Variants in KCNQ1OT1 observed in about 807,000 individuals in gnomAD.
KCNQ1OT1 encodes the protein KCNQ1 antisense RNA 2 (non-protein coding).
exon 1 of KCNQ1OT1, chr11:2,680,915 A>G (rs1850385666): frequency 7.5e-6 from 3 of 398,444 alleles, no homozygotes; most frequent in South Asian, 1.3e-4. Flanking sequence ...GTATGACCCA[A>G]TTTGGGTTTG....
At position 2,608,691 on chromosome 11, in the gene KCNQ1OT1, T is replaced by C. The variant is rs1848923338; in HGVS notation, n.91304A>G. ...GTTGTGCATGCTATTCTTGAACTCC[T>C]GGCCACAAGCAATTCTCGAACTCCT... On this transcript the variant is annotated non_coding_transcript_exon_variant, in exon 1 of 1. Coordinates refer to ENST00000597346, the Ensembl canonical transcript of KCNQ1OT1. The surrounding 1 kb of genome is among the most constrained non-coding windows in gnomAD (Gnocchi z 4.6). The C allele has an allele frequency of 2.6e-6, 1 of 381,030 alleles. No homozygotes were observed. Among genetic ancestry groups the C allele is most frequent in the Non-Finnish European group, 4.4e-6 (1 of 225,704 alleles). The allele number at this position is 381,030 out of a possible 1,614,324, so 23.6% of individuals were successfully genotyped here. A position where few individuals can be genotyped will look rare whatever the true frequency, so the allele number is the denominator to read the frequency against.
chr11:2,699,109 A>G, exon 1 of KCNQ1OT1: 1 of 398,662 alleles, frequency 2.5e-6, no homozygotes, highest in South Asian at 1.3e-4. Context: ...GCGCGGACTC[A>G]GAACCACGAT....
chr11:2,630,238 G>A (rs182716361), exon 1 of KCNQ1OT1: 7 of 398,060 alleles, frequency 1.8e-5, no homozygotes, highest in African/African-American at 1.4e-4. Context: ...ACACTTAACT[G>A]TCCTTATGTA....
chr11:2,635,082 C>G (rs1228293692), exon 1 of KCNQ1OT1: 1 of 152,108 alleles, frequency 6.6e-6, no homozygotes, highest in Non-Finnish European at 1.5e-5. Context: ...TGGATATTAG[C>G]CTTTTATCAG....
exon 1 of KCNQ1OT1, chr11:2,619,656 G>A: frequency 2.5e-6 from 1 of 396,520 alleles, no homozygotes; most frequent in Non-Finnish European, 4.4e-6. Flanking sequence ...GCTCACCTGG[G>A]TATCAAGGTG....
chr11:2,675,650 T>C (rs1185516853), exon 1 of KCNQ1OT1: 2 of 398,528 alleles, frequency 5.0e-6, no homozygotes, highest in Non-Finnish European at 4.4e-6. Flanking sequence ...TTGGGCTCTC[T>C]AGGAGCCCGC....
At chr11:2,631,343 CTTCT>C (rs1849349527) in exon 1 of KCNQ1OT1, 1 of 398,420 alleles carries the variant, frequency 2.5e-6, no homozygotes, top group Non-Finnish European at 4.4e-6. Context: ...TGAATTCCTC[CTTCT>C]ATTTGATCAA....
chr11:2,609,257 T>G (rs987911129), exon 1 of KCNQ1OT1: 1 of 398,322 alleles, frequency 2.5e-6, no homozygotes, highest in Non-Finnish European at 4.4e-6. Context: ...ACGTTCCATT[T>G]CCCTTGTGAA....
In KCNQ1OT1 at chr11:2,679,757, T is replaced by G; in HGVS notation, n.20238A>C. On this transcript the variant is annotated non_coding_transcript_exon_variant, in exon 1 of 1. Coordinates refer to ENST00000597346, the Ensembl canonical transcript of KCNQ1OT1. The surrounding 1 kb of genome is among the most constrained non-coding windows in gnomAD (Gnocchi z 4.8). Reference sequence around the variant, plus strand: ...GTGGACAGTGATGATGGGAAAATAGTCCCTGCTGCACACTAGGGCCTGTTA... The same window carrying G: ...GTGGACAGTGATGATGGGAAAATAGGCCCTGCTGCACACTAGGGCCTGTTA... 1 of 398,590 alleles carries G rather than the reference T, an allele frequency of 2.5e-6. No homozygotes were observed. The highest frequency in any genetic ancestry group is 4.4e-6 in the Non-Finnish European group (1 of 226,048). The allele number at this position is 398,590 out of a possible 1,614,324, so 24.7% of individuals were successfully genotyped here.
Position 2,652,208 on chromosome 11 carries a change from T to A in KCNQ1OT1, n.47787A>T. 1 of 398,650 alleles carries A rather than the reference T, an allele frequency of 2.5e-6. No individual in the cohort carries two copies. The highest frequency in any genetic ancestry group is 4.4e-6 in the Non-Finnish European group (1 of 226,096). The allele number at this position is 398,650 out of a possible 1,614,324, so 24.7% of individuals were successfully genotyped here. On this transcript the variant is annotated non_coding_transcript_exon_variant, in exon 1 of 1. Coordinates refer to ENST00000597346, the Ensembl canonical transcript of KCNQ1OT1. The surrounding 1 kb of genome is among the most constrained non-coding windows in gnomAD (Gnocchi z 5.9). ...ATGTCTGGATTTGGTAGCCAGGGCC[T>A]GGAGCCGGATGCTGAGAATGAGGCC...
chr11:2,696,734 C>A, exon 1 of KCNQ1OT1: 1 of 398,582 alleles, frequency 2.5e-6, no homozygotes, highest in Admixed American at 4.4e-5. Flanking sequence ...CTATATCCTC[C>A]AATAGAGTTT....
At position 2,670,488 on chromosome 11, in the gene KCNQ1OT1, C is replaced by T. The variant is rs1319295142; in HGVS notation, n.29507G>A. ...CCTTGGTAGGTCCCTCAGAGAGCATCTAGTGGGCCTGTCCTCCCAGCTCAC... is the reference window on the plus strand; with the variant it reads ...CCTTGGTAGGTCCCTCAGAGAGCATTTAGTGGGCCTGTCCTCCCAGCTCAC... On this transcript the variant is annotated non_coding_transcript_exon_variant, in exon 1 of 1. Transcript: ENST00000597346. The surrounding 1 kb of genome is among the most constrained non-coding windows in gnomAD (Gnocchi z 4.9). 2.3e-5 allele frequency: 9 copies of T among 397,338 alleles called. No homozygotes were observed. In the Admixed American group the frequency reaches 3.1e-4, roughly 14 times the overall value. 24.6% of individuals were successfully genotyped at this position (397,338 alleles called of 1,614,324 possible). A position where few individuals can be genotyped will look rare whatever the true frequency, so the allele number is the denominator to read the frequency against.
chr11:2,687,175 C>A lies in KCNQ1OT1; in HGVS notation n.12820G>T, dbSNP rs188369808. ...TTCCTCCACAAAGCACAGAAGTCTG[C>A]CAAAAGCCCAGGCTGGATAGGGAGC... On this transcript the variant is annotated non_coding_transcript_exon_variant, in exon 1 of 1. Coordinates refer to ENST00000597346, the Ensembl canonical transcript of KCNQ1OT1. The surrounding 1 kb of genome is among the most constrained non-coding windows in gnomAD (Gnocchi z 5.0). 417 of 398,636 alleles carry A rather than the reference C, an allele frequency of 1.0e-3. No individual in the cohort carries two copies. Among genetic ancestry groups the A allele is most frequent in the African/African-American group, 7.3e-3 (354 of 48,750 alleles). The allele number at this position is 398,636 out of a possible 1,614,324, so 24.7% of individuals were successfully genotyped here. A position where few individuals can be genotyped will look rare whatever the true frequency, so the allele number is the denominator to read the frequency against.
chr11:2,642,846 T>C lies in KCNQ1OT1; in HGVS notation n.57149A>G, dbSNP rs1036446790. The C allele has an allele frequency of 7.9e-4, 316 of 397,846 alleles. 8 individuals carry two copies. Among genetic ancestry groups the C allele is most frequent in the Non-Finnish European group, 1.8e-4 (40 of 225,718 alleles). The allele number at this position is 397,846 out of a possible 1,614,324, so 24.6% of individuals were successfully genotyped here. A position where few individuals can be genotyped will look rare whatever the true frequency, so the allele number is the denominator to read the frequency against. ...CATTGCTTTTGCAGTATCCCTTAAG[T>C]TTCAGAATGTTGTGCTTCTATTTTC... On this transcript the variant is annotated non_coding_transcript_exon_variant, in exon 1 of 1. Transcript: ENST00000597346. The surrounding 1 kb of genome is among the most constrained non-coding windows in gnomAD (Gnocchi z 4.3).
At chr11:2,609,709 A>G (rs757057176) in exon 1 of KCNQ1OT1, 4 of 398,228 alleles carry the variant, frequency 1.0e-5, no homozygotes, top group Non-Finnish European at 1.8e-5. Context: ...CTCTATTGTT[A>G]GGTGAATATA....
exon 1 of KCNQ1OT1, chr11:2,629,426 T>C (rs1217879140): frequency 2.5e-6 from 1 of 398,432 alleles, no homozygotes; most frequent in African/African-American, 2.1e-5. Context: ...ATGCAGTTTT[T>C]GCCCCATGTT....
At chr11:2,699,433 T>G (rs1364182921) in exon 1 of KCNQ1OT1, 1 of 399,486 alleles carries the variant, frequency 2.5e-6, no homozygotes. Context: ...GAGGAGAGTC[T>G]GGGAGAACCG....
Position 2,611,201 on chromosome 11 carries a change from T to G in KCNQ1OT1, n.88794A>C, listed in dbSNP as rs1380311095. On this transcript the variant is annotated non_coding_transcript_exon_variant, in exon 1 of 1. Transcript: ENST00000597346. This position sits in a 1 kb window ranked among gnomAD's most constrained non-coding sequence, Gnocchi z 5.3. ...AATAACATGGTTTGTTTTTAAAGTC[T>G]ATTTTGTCTGATTTTATTTATTTTT... 2.5e-6 allele frequency: 1 copy of G among 398,406 alleles called. No individual in the cohort carries two copies. Among genetic ancestry groups the G allele is most frequent in the Non-Finnish European group, 4.4e-6 (1 of 226,048 alleles). The allele number at this position is 398,406 out of a possible 1,614,324, so 24.7% of individuals were successfully genotyped here.
rs1590020175 is a variant in KCNQ1OT1 at position 2,668,724 on chromosome 11, C to T, written n.31271G>A. The T allele has an allele frequency of 2.5e-6, 1 of 398,470 alleles. No homozygotes were observed. Among genetic ancestry groups the T allele is most frequent in the African/African-American group, 2.1e-5 (1 of 48,606 alleles). The allele number at this position is 398,470 out of a possible 1,614,324, so 24.7% of individuals were successfully genotyped here. ...CACTCTCTCACAGACACACACATTG[C>T]AAATATCGCCTCCCCCTCTGCAGGC... On this transcript the variant is annotated non_coding_transcript_exon_variant, in exon 1 of 1. Transcript: ENST00000597346. This position sits in a 1 kb window ranked among gnomAD's most constrained non-coding sequence, Gnocchi z 4.3.
Sources: gnomAD v4.1 joint callset for allele counts on GRCh38, gnomAD v4.1.1 for gene constraint, Gnocchi (gnomAD v3.1) non-coding constraint, MANE v1.5 for transcripts, NCBI Gene and HGNC (gene_info 2026-07-23, HGNC 2026-07-21) for gene names.